TCF12: variants seen among roughly 807,000 people sequenced by gnomAD.
TCF12 encodes the protein DNA-binding protein HTF4.
TCF12 carries 45 observed loss-of-function variants against 86.0 expected under a neutral mutation model. The observed-to-expected ratio is 0.52, with a 90% CI of 0.41 to 0.67. The LOEUF (loss-of-function observed/expected upper bound fraction) is 0.67. TCF12 is among the 30% of genes least tolerant of loss of function. The pLI is 0.00. For missense variants in TCF12, 881 were observed against 859.9 expected (o/e 1.02, Z -0.31); for synonymous variants, 330 against 299.6 (o/e 1.10, Z -1.05).
chr15:56,938,602 G>A (rs1044124677), intron 3 of TCF12, among the ~76,000 whole-genome samples: 3 of 148,362 alleles, frequency 2.0e-5, no homozygotes, highest in Non-Finnish European at 4.5e-5. Context: ...TTCTTTGAAC[G>A]TCTGTTAGAA....
intron 8 of TCF12, among the ~76,000 whole-genome samples, chr15:57,217,539 C>A (rs1221911327): frequency 6.6e-6 from 1 of 152,068 alleles, no homozygotes; most frequent in Non-Finnish European, 1.5e-5. Context: ...GCTTAACTGT[C>A]ATAGGTGGAT....
chr15:57,142,148 A>G (rs900362918), intron 5 of TCF12, among the ~76,000 whole-genome samples: 3 of 152,204 alleles, frequency 2.0e-5, no homozygotes, highest in Non-Finnish European at 4.4e-5. Context: ...AGTTGGCTAT[A>G]TACAGGGGAA....
chr15:56,943,934 G>A (rs2060886313), intron 3 of TCF12, among the ~76,000 whole-genome samples: 1 of 152,070 alleles, frequency 6.6e-6, no homozygotes, highest in African/African-American at 2.4e-5. Flanking sequence ...CCTAGGAATC[G>A]TAATTTTTAA....
chr15:57,101,499 C>T (rs1233140070), intron 5 of TCF12, among the ~76,000 whole-genome samples: 1 of 152,220 alleles, frequency 6.6e-6, no homozygotes, highest in Non-Finnish European at 1.5e-5. Context: ...CGTGAGCCAC[C>T]ATGCCTGGCC....
At position 57,192,149 on chromosome 15, in the gene TCF12, A is replaced by G. The variant is rs764470637; in HGVS notation, c.391-9A>G. The G allele has an allele frequency of 1.2e-6, 2 of 1,612,532 alleles. No homozygotes were observed. The highest frequency in any genetic ancestry group is 8.5e-7 in the Non-Finnish European group (1 of 1,179,716). ...GAAAATAACTTGTTTCCTTGGCCTT[A>G]TTTTATAGTCTAGTCTCCTGAGACA... On this transcript the variant is annotated splice_polypyrimidine_tract_variant and intron_variant, in intron 6 of 20. Transcript: ENST00000333725.
intron 5 of TCF12, among the ~76,000 whole-genome samples, chr15:57,093,357 G>A (rs2049116633): frequency 6.6e-6 from 1 of 152,134 alleles, no homozygotes; most frequent in East Asian, 1.9e-4. Context: ...GTGTAGTAGG[G>A]CAAGTAAAAG....
At chr15:56,940,194 A>G (rs1234763271) in intron 3 of TCF12, among the ~76,000 whole-genome samples, 1 of 151,994 alleles carries the variant, frequency 6.6e-6, no homozygotes, top group Non-Finnish European at 1.5e-5. Context: ...GAGAGGTTAT[A>G]TAATCTAGTA....
chr15:57,194,724 C>T (rs1052311789), intron 7 of TCF12, among the ~76,000 whole-genome samples: 6 of 152,098 alleles, frequency 3.9e-5, no homozygotes, highest in Admixed American at 1.3e-4. Flanking sequence ...GTTAGGCACT[C>T]CCCTAAGCGT....
intron 3 of TCF12, among the ~76,000 whole-genome samples, chr15:57,034,837 C>T (rs1193822973): frequency 2.6e-5 from 4 of 152,084 alleles, no homozygotes; most frequent in African/African-American, 9.7e-5. Context: ...CACAATACTG[C>T]CTTTAGCAAA....
intron 19 of TCF12, among the ~76,000 whole-genome samples, chr15:57,277,352 C>T (rs1400033096): frequency 2.6e-5 from 4 of 151,732 alleles, no homozygotes; most frequent in African/African-American, 9.7e-5. Context: ...AGTTGGCAGC[C>T]GGGTGCAGTG....
chr15:57,024,070 A>G (rs1471639137), intron 3 of TCF12, among the ~76,000 whole-genome samples: 1 of 152,116 alleles, frequency 6.6e-6, no homozygotes, highest in Non-Finnish European at 1.5e-5. Flanking sequence ...TAGGCCACAT[A>G]TTGGTAGTAA....
intron 3 of TCF12, among the ~76,000 whole-genome samples, chr15:56,965,283 G>A (rs1371776525): frequency 6.6e-6 from 1 of 152,010 alleles, no homozygotes; most frequent in Non-Finnish European, 1.5e-5. Context: ...AAAATGGCAA[G>A]GAAAGTAATT....
chr15:57,091,000 T>A (rs1464179095), intron 4 of TCF12, among the ~76,000 whole-genome samples: 4 of 152,188 alleles, frequency 2.6e-5, no homozygotes, highest in Non-Finnish European at 5.9e-5. Flanking sequence ...CCCTTTGCTT[T>A]AAAAAAATAT....
intron 3 of TCF12, among the ~76,000 whole-genome samples, chr15:57,007,860 T>TCCTTCCTTCCTC (rs2064536829): frequency 1.1e-4 from 1 of 8,972 alleles, no homozygotes; most frequent in South Asian, 5.7e-3. Flanking sequence ...CTCCCTTCCT[T>TCCTTCCTTCCTC]CCTTCCTTCC....
At chr15:57,043,089 T>A (rs1363763985) in intron 3 of TCF12, among the ~76,000 whole-genome samples, 1 of 152,216 alleles carries the variant, frequency 6.6e-6, no homozygotes, top group African/African-American at 2.4e-5. Context: ...TTTTTCTTTC[T>A]TTTAAGGCTA....
chr15:57,260,244 G>C (rs2060527317), intron 16 of TCF12, among the ~76,000 whole-genome samples: 1 of 152,014 alleles, frequency 6.6e-6, no homozygotes, highest in Non-Finnish European at 1.5e-5. Context: ...AAATTTCTAA[G>C]ATTTATTATT....
At chr15:57,034,732 A>G (rs753863052) in intron 3 of TCF12, among the ~76,000 whole-genome samples, 16 of 152,232 alleles carry the variant, frequency 1.1e-4, no homozygotes, top group Non-Finnish European at 1.9e-4. Flanking sequence ...CCTAATTATA[A>G]TGACTTCCCA....
At chr15:57,081,202 T>TA (rs1373231544) in intron 4 of TCF12, among the ~76,000 whole-genome samples, 2 of 152,256 alleles carry the variant, frequency 1.3e-5, no homozygotes, top group Non-Finnish European at 2.9e-5. Context: ...TGAATTACTG[T>TA]TTGAACAGAT....
chr15:57,059,803 CA>C (rs10717631), intron 3 of TCF12, among the ~76,000 whole-genome samples: 70,519 of 94,344 alleles, frequency 0.75, 25,057 homozygotes, highest in African/African-American at 0.81. Context: ...CTCCTCCCAC[CA>C]AAAAAAAAAA....
Sources: allele counts gnomAD v4.1 joint callset (sites outside exome capture counted in the v4.1 genomes callset), GRCh38; gene constraint gnomAD v4.1.1; transcripts MANE v1.5; gene names NCBI Gene and HGNC (gene_info 2026-07-23, HGNC 2026-07-21).